FSTL5: variants seen among roughly 807,000 people sequenced by gnomAD.
FSTL5 encodes the protein follistatin-related protein 5.
FSTL5 carries 62 observed loss-of-function variants against 89.1 expected under a neutral mutation model. The observed-to-expected ratio is 0.70, with a 90% CI of 0.57 to 0.86. The LOEUF is 0.86. FSTL5 is among the 40% of genes least tolerant of loss of function. FSTL5 has a pLI of 0.00. For synonymous variants in FSTL5, 383 were observed against 346.2 expected (o/e 1.11, Z -1.18); for missense variants, 1,057 against 1,001.6 (o/e 1.06, Z -0.75).
At chr4:162,153,795 A>ATG (rs540067249) in intron 1 of FSTL5, among the ~76,000 whole-genome samples, 19,489 of 116,730 alleles carry the variant, frequency 0.17, 1,933 homozygotes, top group Non-Finnish European at 0.24. Flanking sequence ...ATATATGTAT[A>ATG]TGTATATATA....
chr4:161,811,563 A>G (rs11100391), intron 4 of FSTL5, among the ~76,000 whole-genome samples: 113,019 of 151,936 alleles, frequency 0.74, 42,080 homozygotes, highest in Admixed American at 0.77. Flanking sequence ...TTTGCACAGC[A>G]TACAGTATGT....
intron 3 of FSTL5, among the ~76,000 whole-genome samples, chr4:162,015,935 A>C (rs919420494): frequency 1.3e-5 from 2 of 152,146 alleles, no homozygotes; most frequent in African/African-American, 4.8e-5. Context: ...GGATGTTTTT[A>C]CTCTACTTTC....
chr4:161,712,633 T>A (rs1215784585), intron 6 of FSTL5, among the ~76,000 whole-genome samples: 1 of 152,158 alleles, frequency 6.6e-6, no homozygotes, highest in Non-Finnish European at 1.5e-5. Context: ...CCTTCAACAT[T>A]GGAGGTGGGC....
intron 10 of FSTL5, among the ~76,000 whole-genome samples, chr4:161,513,272 G>GGGAGA (rs1349844190): frequency 3.9e-4 from 43 of 110,024 alleles, no homozygotes; most frequent in African/African-American, 1.5e-3. Flanking sequence ...ACAAGGAGGG[G>GGGAGA]GAGAGAGAGA....
chr4:161,448,643 G>GCGGTGT (rs1733041157), intron 15 of FSTL5, among the ~76,000 whole-genome samples: 1 of 152,152 alleles, frequency 6.6e-6, no homozygotes, highest in Admixed American at 6.5e-5. Context: ...GACTGCCGGA[G>GCGGTGT]CGGTGTCCGC....
chr4:161,877,945 C>A (rs1256752929), intron 4 of FSTL5, among the ~76,000 whole-genome samples: 2 of 151,248 alleles, frequency 1.3e-5, no homozygotes, highest in African/African-American at 4.8e-5. Flanking sequence ...TGAGTAACTG[C>A]GCCCGGCACC....
chr4:162,025,472 G>A (rs1463794020), intron 3 of FSTL5, among the ~76,000 whole-genome samples: 4 of 152,114 alleles, frequency 2.6e-5, no homozygotes, highest in Middle Eastern at 3.4e-3. Flanking sequence ...TTAAGTGGGG[G>A]ATAAATAACT....
intron 15 of FSTL5, among the ~76,000 whole-genome samples, chr4:161,451,408 A>G (rs1413936462): frequency 6.6e-6 from 1 of 152,216 alleles, no homozygotes; most frequent in Non-Finnish European, 1.5e-5. Context: ...AGGCACAGAA[A>G]CAGAAAAACT....
chr4:161,902,804 G>A (rs1209101624), intron 4 of FSTL5, among the ~76,000 whole-genome samples: 2 of 152,034 alleles, frequency 1.3e-5, no homozygotes, highest in African/African-American at 2.4e-5. Flanking sequence ...AGCCGAGATC[G>A]CGCCACTGCA....
At chr4:161,950,437 T>G (rs1310321828) in intron 3 of FSTL5, among the ~76,000 whole-genome samples, 1 of 152,160 alleles carries the variant, frequency 6.6e-6, no homozygotes, top group Non-Finnish European at 1.5e-5. Context: ...TTAAAAAGAC[T>G]TAGGAAAATT....
chr4:161,410,094 A>G (rs1731536914), intron 15 of FSTL5, among the ~76,000 whole-genome samples: 1 of 152,198 alleles, frequency 6.6e-6, no homozygotes, highest in Admixed American at 6.5e-5. Context: ...TTCTTATATC[A>G]GATAAAACAG....
Position 162,033,642 on chromosome 4 carries a change from T to G in FSTL5, c.143A>C (p.Glu48Ala). Residue 48 changes from glutamate (E) to alanine (A), a missense_variant, in exon 3 of 16, where the codon GAA becomes GCA. Physicochemically the swap from Glu to Ala is moderately radical, Grantham distance 107. Transcript: ENST00000306100. Reference protein sequence around the residue: ...RLRHKQEKNQESSRVKGFMIQ... With the variant: ...RLRHKQEKNQASSRVKGFMIQ... ...TTTCTTACCTTTGACTCTTGAACTT[T>G]CTTGATTTTTTTCCTGCTGGAAATA... 1 of 1,496,284 alleles carries G rather than the reference T, an allele frequency of 6.7e-7. No individual in the cohort carries two copies. The highest frequency in any genetic ancestry group is 9.2e-7 in the Non-Finnish European group (1 of 1,090,106). 92.7% of individuals were successfully genotyped at this position (1,496,284 alleles called of 1,614,324 possible). A position where few individuals can be genotyped will look rare whatever the true frequency, so the allele number is the denominator to read the frequency against.
chr4:161,546,135 C>G (rs562848040), intron 8 of FSTL5, among the ~76,000 whole-genome samples: 1 of 151,206 alleles, frequency 6.6e-6, no homozygotes, highest in South Asian at 2.1e-4. Context: ...AGATTAGATA[C>G]AGCTGAAGAA....
intron 8 of FSTL5, among the ~76,000 whole-genome samples, chr4:161,577,078 T>C (rs1180499981): frequency 3.3e-5 from 5 of 152,206 alleles, no homozygotes; most frequent in Non-Finnish European, 5.9e-5. Flanking sequence ...CACTTCTTTT[T>C]AGAACAGGGA....
intron 4 of FSTL5, among the ~76,000 whole-genome samples, chr4:161,867,128 GA>G (rs1477111154): frequency 1.3e-5 from 2 of 152,022 alleles, no homozygotes; most frequent in Admixed American, 6.5e-5. Flanking sequence ...TTCATCTATT[GA>G]GGGCTTTTAT....
chr4:161,643,621 A>G (rs1033585165), intron 7 of FSTL5, among the ~76,000 whole-genome samples: 1 of 152,172 alleles, frequency 6.6e-6, no homozygotes, highest in African/African-American at 2.4e-5. Context: ...AACAACGATC[A>G]TGTATGTACT....
At chr4:161,555,135 T>A (rs907215979) in intron 8 of FSTL5, among the ~76,000 whole-genome samples, 38 of 151,586 alleles carry the variant, frequency 2.5e-4, no homozygotes, top group African/African-American at 8.9e-4. Flanking sequence ...GGTCATAAAC[T>A]TCGGTGAGTT....
intron 4 of FSTL5, among the ~76,000 whole-genome samples, chr4:161,893,144 C>G (rs751088600): frequency 3.9e-5 from 6 of 152,078 alleles, no homozygotes; most frequent in Non-Finnish European, 8.8e-5. Context: ...CAAGTGACAA[C>G]AGATCTAAGA....
intron 8 of FSTL5, among the ~76,000 whole-genome samples, chr4:161,584,128 T>C (rs886568036): frequency 3.3e-5 from 5 of 152,194 alleles, no homozygotes; most frequent in African/African-American, 1.2e-4. Context: ...ACCAACTACA[T>C]ATTATTATTT....
Sources: gnomAD v4.1 joint callset for allele counts (sites outside exome capture counted in the v4.1 genomes callset) on GRCh38, gnomAD v4.1.1 for gene constraint, MANE v1.5 for transcripts, NCBI Gene and HGNC (gene_info 2026-07-23, HGNC 2026-07-21) for gene names.